MAP4K1: variants seen among roughly 807,000 people sequenced by gnomAD.
The protein encoded by MAP4K1 is MAPK/ERK kinase kinase kinase 1.
MAP4K1 carries 35 observed loss-of-function variants against 122.8 expected under a neutral mutation model. The observed-to-expected ratio is 0.29, with a 90% CI of 0.22 to 0.38. The LOEUF (loss-of-function observed/expected upper bound fraction) is 0.38. Among genes scored for constraint, MAP4K1 ranks in the 10% least tolerant of loss-of-function variants. The probability of loss-of-function intolerance (pLI) is 1.00; values close to 1 mark genes in which losing one functional copy is unlikely to be tolerated. For synonymous variants in MAP4K1, 412 were observed against 421.3 expected (o/e 0.98, Z 0.27); for missense variants, 791 against 1,072.6 (o/e 0.74, Z 3.67).
chr19:38,617,781 A>C lies in MAP4K1; in HGVS notation c.99+16T>G. ...TCACTGGTTGTAGGGTGTTGGGGAC[A>C]GAGGGGCTTCCTCACCTTAAAGACT... On this transcript the variant is annotated intron_variant, in intron 1 of 30. Transcript: ENST00000396857. This position sits in a 1 kb window ranked among gnomAD's most constrained non-coding sequence, Gnocchi z 4.1. 6.2e-7 allele frequency: 1 copy of C among 1,613,732 alleles called. No individual in the cohort carries two copies. Among genetic ancestry groups the C allele is most frequent in the Non-Finnish European group, 8.5e-7 (1 of 1,179,630 alleles).
intron 9 of MAP4K1, 62 bp from the exon 10 acceptor site, chr19:38,611,367 G>A (rs947154527): frequency 1.8e-6 from 2 of 1,112,452 alleles, no homozygotes. Context: ...CTCATGGCTT[G>A]AGGGGTTCCT....
chr19:38,617,250 GAAAAA>G lies in MAP4K1; in HGVS notation c.248+99_248+103del, dbSNP rs1975672853. ...CAGAACAAGACTCCATCTCAAAAAA[GAAAAA>G]GAAAAGAAAAAAAAAGAACTGAGGG... On this transcript the variant is annotated intron_variant, in intron 3 of 30. Coordinates refer to ENST00000396857, the MANE Select transcript of MAP4K1 (RefSeq NM_001042600.3). This position sits in a 1 kb window ranked among gnomAD's most constrained non-coding sequence, Gnocchi z 4.1. The G allele has an allele frequency of 7.4e-6, 6 of 813,074 alleles. No homozygotes were observed. In the East Asian group the frequency reaches 1.5e-4, roughly 20 times the overall value. The allele number at this position is 813,074 out of a possible 1,614,324, so 50.4% of individuals were successfully genotyped here.
At chr19:38,589,697 G>A (rs955152934) in intron 30 of MAP4K1, among the ~76,000 whole-genome samples, 4 of 152,128 alleles carry the variant, frequency 2.6e-5, no homozygotes, top group East Asian at 1.9e-4. Context: ...TTACAGGCGT[G>A]AGCCACCGCG....
rs1034537652 is a variant in MAP4K1 at position 38,595,678 on chromosome 19, G to T, written c.2231C>A (p.Thr744Lys). 2 of 1,613,088 alleles carry T rather than the reference G, an allele frequency of 1.2e-6. No homozygotes were observed. Among genetic ancestry groups the T allele is most frequent in the Admixed American group, 1.7e-5 (1 of 59,830 alleles). The change falls in exon 28 of 31, where the codon ACA becomes AAA. Residue 744 changes from threonine (T) to lysine (K), a missense_variant. Thr to Lys is a moderately conservative substitution (Grantham distance 78). Transcript: ENST00000396857. ...CGCTTCGGTCATGGGGATCTCAGGT[G>T]TGCGAAGTCCCCGGACTGGGGACCC... ...PEGSPVRGLR[T>K]PEIPMTEAVE...
At chr19:38,616,396 T>G in intron 3 of MAP4K1, 137 bp from the exon 4 acceptor site, 2 of 577,090 alleles carry the variant, frequency 3.5e-6, no homozygotes, top group Non-Finnish European at 3.0e-6. Context: ...CACCTCTCCT[T>G]GTCTACCAGA....
intron 19 of MAP4K1, among the ~76,000 whole-genome samples, chr19:38,602,781 TA>T (rs1262537799): frequency 6.9e-6 from 1 of 144,666 alleles, no homozygotes; most frequent in African/African-American, 2.6e-5. Flanking sequence ...TATATACACA[TA>T]TACATATATA....
At chr19:38,595,586 G>C in intron 28 of MAP4K1, 31 bp from the exon 29 acceptor site, 1 of 1,613,978 alleles carries the variant, frequency 6.2e-7, no homozygotes, top group Middle Eastern at 1.7e-4. Flanking sequence ...GTTACCCTTG[G>C]GGATCACTTG....
rs1975308399 is a variant in MAP4K1, at chr19:38,605,702, C to A, written c.1229G>T (p.Gly410Val). ...KPKFRSPSDEGPGSMGDDGQL... is the reference protein window; with the variant it reads ...KPKFRSPSDEVPGSMGDDGQL... Reference sequence around the variant, plus strand: ...CCCATCATCCCCCATGCTCCCAGGACCCTCGTCTGATGGAGAACGGAACTT... The same window carrying A: ...CCCATCATCCCCCATGCTCCCAGGAACCTCGTCTGATGGAGAACGGAACTT... Residue 410 changes from glycine to valine, a missense_variant, in exon 18 of 31, where the codon GGT (glycine) becomes GTT (valine). Gly to Val is a moderately radical substitution (Grantham distance 109). Transcript: ENST00000396857. The A allele has an allele frequency of 6.2e-7, 1 of 1,607,202 alleles. No individual in the cohort carries two copies.
Position 38,597,450 on chromosome 19 carries a change from T to C in MAP4K1, c.1778+36A>G, listed in dbSNP as rs17847681. ...AGGCAGAGGGGCATGGGAGGAATTA[T>C]AAGGCTGTGTGGTGCCATTCATTGG... On this transcript the variant is annotated intron_variant, in intron 23 of 30. Coordinates refer to ENST00000396857, the MANE Select transcript of MAP4K1 (RefSeq NM_001042600.3). This position sits in a 1 kb window ranked among gnomAD's most constrained non-coding sequence, Gnocchi z 4.6. The C allele has an allele frequency of 1.8e-4, 297 of 1,613,106 alleles. No homozygotes were observed. In the East Asian group the frequency reaches 6.4e-3, roughly 35 times the overall value.
At chr19:38,608,951 A>G (rs973330159) in intron 13 of MAP4K1, among the ~76,000 whole-genome samples, 1 of 151,914 alleles carries the variant, frequency 6.6e-6, no homozygotes, top group Admixed American at 6.6e-5. Flanking sequence ...ACTGCACTCC[A>G]GCCTGGGTGA....
intron 4 of MAP4K1, among the ~76,000 whole-genome samples, chr19:38,615,515 G>A (rs1418218094): frequency 2.0e-5 from 3 of 152,066 alleles, no homozygotes; most frequent in East Asian, 3.9e-4. Flanking sequence ...TGGGGAGACA[G>A]ACAGATTTAG....
rs1471173683 is a variant in MAP4K1 at position 38,605,635 on chromosome 19, G to A, written c.1296C>T (p.Pro432=). 1.3e-6 allele frequency: 2 copies of A among 1,595,050 alleles called. No homozygotes were observed. The highest frequency in any genetic ancestry group is 1.7e-6 in the Non-Finnish European group (2 of 1,172,658). The change falls in exon 18 of 31, where the codon CCC becomes CCT. Residue 432 remains proline (P), a synonymous_variant. Transcript: ENST00000396857. ...GCCCAGGACGGGGGCTGTTTGGTGG[G>A]GGCCCACTGGCACACCGGACCAGCA... The part of the protein sequence containing the change: ...PGVLVRCASG[P]PPNSPRPGPP...
chr19:38,614,356 C>T, intron 5 of MAP4K1, 34 bp downstream of exon 5: 1 of 1,614,026 alleles, frequency 6.2e-7, no homozygotes, highest in Non-Finnish European at 8.5e-7. Context: ...CCACCCTCCC[C>T]TCCCATCCCC....
rs183305859 is a variant in MAP4K1, at chr19:38,603,797, A to C, written c.1446+1612T>G. Among the ~76,000 whole-genome samples the C allele has an allele frequency of 4.0e-3, 608 of 152,260 alleles. 1 individual carries two copies. The highest frequency in any genetic ancestry group is 0.014 in the African/African-American group (577 of 41,544). On this transcript the variant is annotated intron_variant, in intron 19 of 30. Transcript: ENST00000396857. ...TCAGGAGTTTGAGACCAGCCTGGCCAACATGGCAAAACTCCGTCTCTACTA... is the reference window on the plus strand; with the variant it reads ...TCAGGAGTTTGAGACCAGCCTGGCCCACATGGCAAAACTCCGTCTCTACTA...
chr19:38,617,442 C>T lies in MAP4K1; in HGVS notation c.160G>A (p.Asp54Asn), dbSNP rs1191169276. 1 of 1,611,776 alleles carries T rather than the reference C, an allele frequency of 6.2e-7. No homozygotes were observed. Among genetic ancestry groups the T allele is most frequent in the Non-Finnish European group, 8.5e-7 (1 of 1,177,998 alleles). ...TCCTTCTGAAGGGTGGAGACATCAT[C>T]ATCTGTGAGGAGGGCGGGAGAGAAA... ...ALKMVKMEPD[D>N]DVSTLQKEIL... The change falls in exon 3 of 31, where the codon GAT becomes AAT. Residue 54 changes from aspartate (D) to asparagine (N), a missense_variant and splice_region_variant. Transcript: ENST00000396857. This position sits in a 1 kb window ranked among gnomAD's most constrained non-coding sequence, Gnocchi z 4.1.
chr19:38,603,934 A>G (rs1424609611), intron 19 of MAP4K1, among the ~76,000 whole-genome samples: 1 of 151,474 alleles, frequency 6.6e-6, no homozygotes, highest in Non-Finnish European at 1.5e-5. Flanking sequence ...CAGTGAGCCA[A>G]GATAGCACCA....
chr19:38,591,536 A>AT (rs1237619961), intron 30 of MAP4K1, among the ~76,000 whole-genome samples: 2 of 151,980 alleles, frequency 1.3e-5, no homozygotes, highest in African/African-American at 2.4e-5. Flanking sequence ...CAAAAAAAAA[A>AT]AAAAAAAAAG....
intron 17 of MAP4K1, 32 bp downstream of exon 17, chr19:38,606,141 C>T (rs1975322413): frequency 2.6e-6 from 4 of 1,564,384 alleles, no homozygotes; most frequent in Middle Eastern, 1.8e-4. Flanking sequence ...GCCCTGAGGC[C>T]CCAGCCTCCC....
chr19:38,602,535 TAC>T (rs1222836011), intron 19 of MAP4K1, among the ~76,000 whole-genome samples: 1 of 149,134 alleles, frequency 6.7e-6, no homozygotes, highest in Non-Finnish European at 1.5e-5. Context: ...TATACATATA[TAC>T]ACATATACAT....
Sources: gnomAD v4.1 joint callset for allele counts (sites outside exome capture counted in the v4.1 genomes callset) on GRCh38, gnomAD v4.1.1 for gene constraint, Gnocchi (gnomAD v3.1) non-coding constraint, MANE v1.5 for transcripts, NCBI Gene and HGNC (gene_info 2026-07-23, HGNC 2026-07-21) for gene names.